ATG10: variants seen among roughly 807,000 people sequenced by gnomAD.
ATG10 encodes the protein ubiquitin-like-conjugating enzyme ATG10.
Under a neutral mutation model 32.1 loss-of-function variants are expected in ATG10, and 30 were observed. The observed-to-expected ratio is 0.94, with a 90% CI of 0.70 to 1.27. The LOEUF (loss-of-function observed/expected upper bound fraction) is 1.27, where lower values mean the gene tolerates loss of function less well. Ranked by LOEUF, ATG10 falls within the 50% of genes most tolerant of loss-of-function variation. The probability of loss-of-function intolerance (pLI) is 0.00; values close to 1 mark genes in which losing one functional copy is unlikely to be tolerated. For synonymous variants in ATG10, 87 were observed against 91.5 expected (o/e 0.95, Z 0.28); for missense variants, 233 against 262.3 (o/e 0.89, Z 0.77).
At chr5:82,220,733 TG>T (rs1017322533) in intron 5 of ATG10, among the ~76,000 whole-genome samples, 2 of 151,024 alleles carry the variant, frequency 1.3e-5, no homozygotes, top group Admixed American at 1.3e-4. Context: ...GGGTCCCTGA[TG>T]TACTACTCCA....
At chr5:82,155,999 T>C (rs1767783588) in intron 3 of ATG10, among the ~76,000 whole-genome samples, 1 of 151,832 alleles carries the variant, frequency 6.6e-6, no homozygotes, top group Non-Finnish European at 1.5e-5. Context: ...TTAGCAAGAA[T>C]TAACTAACCA....
intron 1 of ATG10, among the ~76,000 whole-genome samples, chr5:81,978,236 A>G (rs1760924777): frequency 6.6e-6 from 1 of 152,086 alleles, no homozygotes; most frequent in Non-Finnish European, 1.5e-5. Context: ...CGCCCAGCTA[A>G]TTTTAGTATT....
chr5:82,074,653 C>T (rs1448007086), intron 3 of ATG10, among the ~76,000 whole-genome samples: 2 of 152,280 alleles, frequency 1.3e-5, no homozygotes, highest in African/African-American at 2.4e-5. Flanking sequence ...AGCATCTTCT[C>T]CATATCTCTT....
intron 3 of ATG10, among the ~76,000 whole-genome samples, chr5:82,132,548 T>C (rs1766582855): frequency 6.6e-6 from 1 of 152,064 alleles, no homozygotes; most frequent in African/African-American, 2.4e-5. Context: ...AATGATGGTT[T>C]CCAGCTTCAT....
intron 1 of ATG10, among the ~76,000 whole-genome samples, chr5:81,987,184 A>G (rs1039846396): frequency 6.6e-6 from 1 of 152,176 alleles, no homozygotes. Flanking sequence ...GTAGAGTGGC[A>G]TGATCCTAGC....
chr5:82,119,784 A>C (rs530938011), intron 3 of ATG10, among the ~76,000 whole-genome samples: 3 of 152,296 alleles, frequency 2.0e-5, no homozygotes, highest in Admixed American at 2.0e-4. Context: ...ATTTTTAAAA[A>C]ACAACAATAA....
chr5:82,001,722 A>T (rs976701120), intron 2 of ATG10, among the ~76,000 whole-genome samples: 1 of 152,212 alleles, frequency 6.6e-6, no homozygotes, highest in Non-Finnish European at 1.5e-5. Flanking sequence ...TTGGACGTAG[A>T]ACTGGGCAAA....
chr5:82,178,489 G>A lies in ATG10; in HGVS notation c.356-1G>A. 1 of 1,597,212 alleles carries A rather than the reference G, an allele frequency of 6.3e-7. No homozygotes were observed. The highest frequency in any genetic ancestry group is 8.6e-7 in the Non-Finnish European group (1 of 1,165,060). On this transcript the variant is annotated splice_acceptor_variant, in intron 4 of 7. Transcript: ENST00000282185. LOFTEE classifies it high-confidence loss of function. ...TCAGTCTTTACCATGCACTTTCACA[G>A]ATGGGAGACCTTTAACTCTGAAGGA...
chr5:82,088,472 G>A (rs1270573768), intron 3 of ATG10, among the ~76,000 whole-genome samples: 3 of 152,122 alleles, frequency 2.0e-5, no homozygotes, highest in Non-Finnish European at 4.4e-5. Context: ...ATTGAATTAA[G>A]GTGATTGCAG....
intron 4 of ATG10, among the ~76,000 whole-genome samples, chr5:82,176,978 A>G (rs1744055637): frequency 6.6e-6 from 1 of 152,216 alleles, no homozygotes; most frequent in African/African-American, 2.4e-5. Flanking sequence ...CCCTGCTTAT[A>G]ATATTAGTAT....
intron 2 of ATG10, among the ~76,000 whole-genome samples, chr5:82,037,764 A>G (rs938711324): frequency 3.3e-5 from 5 of 152,208 alleles, no homozygotes; most frequent in African/African-American, 1.2e-4. Context: ...TTTAACATCT[A>G]TCAGTGTAAT....
At chr5:82,083,257 C>A (rs1427769311) in intron 3 of ATG10, among the ~76,000 whole-genome samples, 1 of 152,212 alleles carries the variant, frequency 6.6e-6, no homozygotes, top group Non-Finnish European at 1.5e-5. Context: ...TGAGATCAAA[C>A]TGCAAGGCAG....
At chr5:82,109,682 A>G (rs1765552494) in intron 3 of ATG10, among the ~76,000 whole-genome samples, 1 of 151,770 alleles carries the variant, frequency 6.6e-6, no homozygotes, top group African/African-American at 2.4e-5. Flanking sequence ...AATAACCACA[A>G]TACATTAGAT....
intron 2 of ATG10, among the ~76,000 whole-genome samples, chr5:82,017,074 T>G (rs1380138214): frequency 6.6e-6 from 1 of 152,198 alleles, no homozygotes; most frequent in Non-Finnish European, 1.5e-5. Flanking sequence ...TTGTCTATGA[T>G]TTATCTCAGC....
intron 2 of ATG10, among the ~76,000 whole-genome samples, chr5:81,997,793 C>T (rs1410524229): frequency 2.6e-5 from 4 of 152,128 alleles, no homozygotes. Flanking sequence ...AATCTAAGAG[C>T]TTGAAGACTG....
rs534743101 is a variant in ATG10 at position 82,058,681 on chromosome 5, C to T, written c.216+79C>T. 3.6e-5 allele frequency: 32 copies of T among 884,980 alleles called. No individual in the cohort carries two copies. The Admixed American group carries it at 4.5e-4, about 13-fold the overall frequency. 54.8% of individuals were successfully genotyped at this position (884,980 alleles called of 1,614,324 possible). A position where few individuals can be genotyped will look rare whatever the true frequency, so the allele number is the denominator to read the frequency against. On this transcript the variant is annotated intron_variant, in intron 3 of 7. Coordinates refer to ENST00000282185, the MANE Select transcript of ATG10 (RefSeq NM_031482.5). Reference sequence around the variant, plus strand: ...AAAATGTATACTTTAATGACTCCATCGCATTCCATCCTATGGAAGCACCAC... The same window carrying T: ...AAAATGTATACTTTAATGACTCCATTGCATTCCATCCTATGGAAGCACCAC...
intron 5 of ATG10, among the ~76,000 whole-genome samples, chr5:82,200,164 T>C (rs1375043317): frequency 1.3e-5 from 2 of 152,242 alleles, no homozygotes; most frequent in Middle Eastern, 3.4e-3. Context: ...GGAGTAAGAT[T>C]TCTGGTCTAT....
At chr5:82,173,649 A>G (rs1335609668) in intron 4 of ATG10, among the ~76,000 whole-genome samples, 1 of 152,168 alleles carries the variant, frequency 6.6e-6, no homozygotes, top group Non-Finnish European at 1.5e-5. Context: ...CAAGTATTCA[A>G]GAGATTTTAC....
intron 3 of ATG10, among the ~76,000 whole-genome samples, chr5:82,141,762 A>T (rs771193366): frequency 6.6e-6 from 1 of 151,908 alleles, no homozygotes; most frequent in Non-Finnish European, 1.5e-5. Context: ...ATTCTTACTT[A>T]TTTTTATAAT....
Sources: gnomAD v4.1 joint callset for allele counts (sites outside exome capture counted in the v4.1 genomes callset) on GRCh38, gnomAD v4.1.1 for gene constraint, MANE v1.5 for transcripts, NCBI Gene and HGNC (gene_info 2026-07-23, HGNC 2026-07-21) for gene names.